ESR1: variants seen among roughly 807,000 people sequenced by gnomAD.
ESR1 encodes estrogen receptor 1, also known as estrogen receptor.
In ESR1, 12 loss-of-function variants were observed where a neutral mutation model predicts 52.7. The ratio of observed to expected loss-of-function variants is 0.23; its 90% CI spans 0.15 to 0.37. The LOEUF is 0.37. Ranked by LOEUF, ESR1 falls within the 10% of genes least tolerant of loss-of-function variation. The pLI, the probability that ESR1 is intolerant of heterozygous loss-of-function variation, is 1.00. For synonymous variants in ESR1, 305 were observed against 316.8 expected, an observed-to-expected ratio of 0.96 and a Z score of 0.39; for missense variants, 584 against 779.7, an observed-to-expected ratio of 0.75 and a Z score of 2.99.
At chr6:151,798,709 T>A (rs978095838) in intron 2 of ESR1, among the ~76,000 whole-genome samples, 2 of 152,238 alleles carry the variant, frequency 1.3e-5, no homozygotes, top group African/African-American at 4.8e-5. Context: ...CTGTGTCAAA[T>A]CAAATAAAAC....
intron 1 of ESR1, among the ~76,000 whole-genome samples, chr6:151,670,418 A>G (rs369886835): frequency 1.3e-5 from 2 of 152,122 alleles, no homozygotes; most frequent in African/African-American, 4.8e-5. Context: ...CTCTTCACCA[A>G]CGTATAAGCT....
intron 4 of ESR1, among the ~76,000 whole-genome samples, chr6:151,949,678 C>CT (rs1477822246): frequency 6.6e-6 from 1 of 152,200 alleles, no homozygotes; most frequent in Admixed American, 6.5e-5. Flanking sequence ...GCAAGTGTTC[C>CT]ATGTCCAAGT....
At chr6:151,797,412 T>A (rs1161760238) in intron 2 of ESR1, among the ~76,000 whole-genome samples, 3 of 152,190 alleles carry the variant, frequency 2.0e-5, no homozygotes, top group Non-Finnish European at 4.4e-5. Context: ...AATGGGACTG[T>A]TAGACTTAAA....
intron 4 of ESR1, among the ~76,000 whole-genome samples, chr6:151,973,464 A>G (rs1308754983): frequency 6.6e-6 from 1 of 152,162 alleles, no homozygotes. Context: ...GAGGTGACCA[A>G]TTTTACTCTG....
intron 2 of ESR1, among the ~76,000 whole-genome samples, chr6:151,746,066 A>T (rs1184033787): frequency 1.3e-5 from 2 of 152,022 alleles, no homozygotes; most frequent in Non-Finnish European, 2.9e-5. Flanking sequence ...GCTGAATAAT[A>T]CTCCATTTTG....
intron 5 of ESR1, among the ~76,000 whole-genome samples, chr6:152,038,028 G>A (rs1584946571): frequency 6.6e-6 from 1 of 152,266 alleles, no homozygotes; most frequent in East Asian, 1.9e-4. Context: ...TGAGGGGCAA[G>A]GAAGCCAGTC....
intron 2 of ESR1, among the ~76,000 whole-genome samples, chr6:151,770,661 G>A (rs759556040): frequency 3.3e-5 from 5 of 152,080 alleles, no homozygotes; most frequent in Non-Finnish European, 7.4e-5. Context: ...ATTAAGCCAA[G>A]ATTTAGAATT....
Position 151,919,600 on chromosome 6 carries a change from C to T in ESR1, c.761-24573C>T, listed in dbSNP as rs966695444. On this transcript the variant is annotated intron_variant, in intron 3 of 7. Transcript: ENST00000206249. ...AGGTTACAAATTGTTGACCCCATGT[C>T]GAACATGTTGACCCCATCAATGTAA... 3.3e-5 allele frequency among the ~76,000 whole-genome samples: 5 copies of T among 152,174 alleles called. No homozygotes were observed. The East Asian group carries it at 9.6e-4, about 29-fold the overall frequency.
intron 1 of ESR1, among the ~76,000 whole-genome samples, chr6:151,664,774 G>C (rs1777763293): frequency 6.6e-6 from 1 of 152,188 alleles, no homozygotes; most frequent in Non-Finnish European, 1.5e-5. Context: ...TGTTTTAGCT[G>C]AAAGTCAATT....
At chr6:151,681,784 T>A (rs1032184716) in intron 1 of ESR1, among the ~76,000 whole-genome samples, 1 of 150,994 alleles carries the variant, frequency 6.6e-6, no homozygotes, top group Admixed American at 6.6e-5. Flanking sequence ...GGACGCGGGG[T>A]CCAGCTTGGG....
chr6:151,755,918 A>C (rs112273677), intron 2 of ESR1, among the ~76,000 whole-genome samples: 2 of 152,174 alleles, frequency 1.3e-5, no homozygotes, highest in African/African-American at 4.8e-5. Context: ...GGTGTGAGCC[A>C]CCGCGCCCAG....
chr6:151,719,207 T>C (rs527426150), intron 2 of ESR1, among the ~76,000 whole-genome samples: 1 of 152,296 alleles, frequency 6.6e-6, no homozygotes, highest in East Asian at 1.9e-4. Flanking sequence ...CACCTTGTGG[T>C]CTAGAATTTA....
Position 151,775,994 on chromosome 6 carries a change from T to A in ESR1, c.-70-31849T>A, listed in dbSNP as rs556088563. Among the ~76,000 whole-genome samples the A allele has an allele frequency of 3.9e-4, 60 of 152,216 alleles. No homozygotes were observed. In the South Asian group the frequency reaches 5.0e-3, roughly 13 times the overall value. On this transcript the variant is annotated intron_variant, in intron 2 of 2. Coordinates refer to the ESR1 transcript ENST00000404742. ...TCAGGAAGTCAGTTTCATGTAAGAA[T>A]GAAGGTGAGCGGATCTTAAATCCCT...
intron 3 of ESR1, among the ~76,000 whole-genome samples, chr6:151,886,047 T>C (rs1309337577): frequency 1.3e-5 from 2 of 152,044 alleles, no homozygotes; most frequent in East Asian, 3.9e-4. Context: ...TGCTGGGTTT[T>C]TTTTTTCAGC....
chr6:151,663,346 A>G (rs1286275008), intron 1 of ESR1, among the ~76,000 whole-genome samples: 1 of 152,162 alleles, frequency 6.6e-6, no homozygotes, highest in African/African-American at 2.4e-5. Context: ...TTTTATTTCA[A>G]AATCTCTTTT....
chr6:152,010,223 A>G (rs2042653374), intron 4 of ESR1, among the ~76,000 whole-genome samples: 2 of 152,102 alleles, frequency 1.3e-5, no homozygotes, highest in African/African-American at 2.4e-5. Flanking sequence ...ATGATAAGCT[A>G]CCTGTTTAAT....
chr6:151,848,418 T>G (rs1305238334), intron 2 of ESR1, among the ~76,000 whole-genome samples: 1 of 138,726 alleles, frequency 7.2e-6, no homozygotes, highest in Admixed American at 7.2e-5. Context: ...GCATGGCACA[T>G]GTATACATAT....
chr6:151,711,007 A>G (rs1370614019), intron 2 of ESR1, among the ~76,000 whole-genome samples: 1 of 152,198 alleles, frequency 6.6e-6, no homozygotes, highest in Non-Finnish European at 1.5e-5. Context: ...GCTGCAATAA[A>G]CATACATGTG....
intron 3 of ESR1, among the ~76,000 whole-genome samples, chr6:151,921,466 G>C (rs1227677668): frequency 6.6e-6 from 1 of 152,132 alleles, no homozygotes; most frequent in African/African-American, 2.4e-5. Context: ...GGGATTGCCA[G>C]GTTGAATGGT....
Sources: allele counts gnomAD v4.1 joint callset (sites outside exome capture counted in the v4.1 genomes callset), GRCh38; gene constraint gnomAD v4.1.1; transcripts MANE v1.5; gene names NCBI Gene and HGNC (gene_info 2026-07-23, HGNC 2026-07-21).